KIAA1549: variants seen among roughly 807,000 people sequenced by gnomAD.
KIAA1549 encodes the protein UPF0606 protein KIAA1549.
Under a neutral mutation model 156.4 loss-of-function variants are expected in KIAA1549, and 70 were observed. That is an observed-to-expected ratio of 0.45 (90% confidence interval 0.37 to 0.55). The LOEUF is 0.55. Ranked by LOEUF, KIAA1549 falls within the 20% of genes least tolerant of loss-of-function variation. The pLI is 0.00. For synonymous variants in KIAA1549, 1,103 were observed against 1,066.4 expected (o/e 1.03, Z -0.67); for missense variants, 2,428 against 2,540.9 (o/e 0.96, Z 0.96).
chr7:138,861,336 G>A lies in KIAA1549; in HGVS notation c.5050C>T (p.Arg1684Cys), dbSNP rs748473737. The A allele has an allele frequency of 3.7e-6, 6 of 1,609,064 alleles. No homozygotes were observed. The highest frequency in any genetic ancestry group is 1.1e-5 in the South Asian group (1 of 90,418). ...TCCAGGAGGGAGTGCATGGTCTGGCGTGCCTCCTCGATGGACGGCTGGGGT... is the reference window on the plus strand; with the variant it reads ...TCCAGGAGGGAGTGCATGGTCTGGCATGCCTCCTCGATGGACGGCTGGGGT... Reference protein sequence around the residue: ...IPPQPSIEEARQTMHSLLDDA... With the variant: ...IPPQPSIEEACQTMHSLLDDA... The change falls in exon 16 of 20, where the codon CGC (arginine) becomes TGC (cysteine). Residue 1684 changes from arginine (R) to cysteine (C), a missense_variant. Transcript: ENST00000422774.
At position 138,844,321 on chromosome 7, in the gene KIAA1549, G is replaced by A. The variant is rs1810006247; in HGVS notation, c.5448C>T (p.Thr1816=). The stretch of plus-strand genomic sequence containing the variant: ...AAGCTAAACAGCCACATATACCTGT[G>A]GTACCCCCGACAGGCCGAGGCCGGG... The part of the protein sequence containing the change: ...SVARPRPVGG[T]TGSQIQHLTQ... Residue 1816 remains threonine, a synonymous_variant, in exon 18 of 20, where the codon ACC becomes ACT. Coordinates refer to ENST00000422774, the MANE Select transcript of KIAA1549 (RefSeq NM_001164665.2). 6.2e-7 allele frequency: 1 copy of A among 1,613,886 alleles called. No individual in the cohort carries two copies. The highest frequency in any genetic ancestry group is 1.3e-5 in the African/African-American group (1 of 75,050).
intron 9 of KIAA1549, among the ~76,000 whole-genome samples, chr7:138,896,642 T>C (rs1053930928): frequency 6.6e-6 from 1 of 151,706 alleles, no homozygotes; most frequent in Non-Finnish European, 1.5e-5. Flanking sequence ...TCACTCAGGC[T>C]AGAATGTGGT....
chr7:138,883,505 T>TG (rs919886893), intron 10 of KIAA1549, among the ~76,000 whole-genome samples: 1 of 151,778 alleles, frequency 6.6e-6, no homozygotes, highest in African/African-American at 2.4e-5. Context: ...TTAGTAGAGA[T>TG]GGGGTCTCAC....
chr7:138,909,445 T>C (rs1177815967), intron 4 of KIAA1549, among the ~76,000 whole-genome samples: 1 of 152,160 alleles, frequency 6.6e-6, no homozygotes, highest in Non-Finnish European at 1.5e-5. Context: ...TCTTGAATAT[T>C]TATGGGTGAA....
At chr7:138,878,028 C>T (rs547183913) in intron 12 of KIAA1549, among the ~76,000 whole-genome samples, 1 of 152,268 alleles carries the variant, frequency 6.6e-6, no homozygotes, top group Middle Eastern at 3.4e-3. Context: ...AGGATCAAAA[C>T]GAGATTCTAA....
chr7:138,932,188 C>T (rs756802778), intron 1 of KIAA1549, among the ~76,000 whole-genome samples: 21 of 152,164 alleles, frequency 1.4e-4, no homozygotes, highest in Non-Finnish European at 2.6e-4. Flanking sequence ...AGACAGCATG[C>T]TCTATGAACA....
intron 8 of KIAA1549, 108 bp downstream of exon 8, chr7:138,903,480 A>G: frequency 8.7e-7 from 1 of 1,149,336 alleles, no homozygotes; most frequent in Non-Finnish European, 1.2e-6. Context: ...TTCTCATGGC[A>G]CTTCTCATTT....
At chr7:138,938,078 C>T (rs1813070003) in intron 1 of KIAA1549, among the ~76,000 whole-genome samples, 1 of 152,100 alleles carries the variant, frequency 6.6e-6, no homozygotes, top group African/African-American at 2.4e-5. Flanking sequence ...TGGAAGGTGA[C>T]TAGGTCATGA....
chr7:138,921,583 T>C (rs1812564652), intron 1 of KIAA1549, among the ~76,000 whole-genome samples: 1 of 152,140 alleles, frequency 6.6e-6, no homozygotes, highest in Admixed American at 6.5e-5. Context: ...GATGGAAATT[T>C]GGGCCAGGCG....
intron 1 of KIAA1549, among the ~76,000 whole-genome samples, chr7:138,948,273 G>A (rs902520201): frequency 5.3e-5 from 8 of 152,240 alleles, no homozygotes; most frequent in Non-Finnish European, 7.4e-5. Context: ...GGGGGAATTC[G>A]GACACAGAGA....
rs117558939 is a variant in KIAA1549, at chr7:138,839,387, T to C, written c.5598+746A>G. Among the ~76,000 whole-genome samples, 1,382 of 152,320 alleles carry C rather than the reference T, an allele frequency of 9.1e-3. 9 individuals carry two copies. The highest frequency in any genetic ancestry group is 0.015 in the Admixed American group (228 of 15,306). On this transcript the variant is annotated intron_variant, in intron 19 of 19. Coordinates refer to ENST00000422774, the MANE Select transcript of KIAA1549 (RefSeq NM_001164665.2). ...CTTGTAGGAATTACCGATGCTCATA[T>C]TGAGTGAACAGAAGTCTCAAAAAGA...
intron 2 of KIAA1549, 119 bp from the exon 3 acceptor site, chr7:138,912,579 T>A: frequency 1.3e-6 from 1 of 791,256 alleles, no homozygotes; most frequent in Non-Finnish European, 2.1e-6. Flanking sequence ...AGTCTTTTTG[T>A]AAAATAAAGG....
chr7:138,913,992 G>C (rs1260594397), intron 2 of KIAA1549, among the ~76,000 whole-genome samples: 2 of 149,540 alleles, frequency 1.3e-5, no homozygotes, highest in Non-Finnish European at 3.0e-5. Flanking sequence ...GGGAGGGAGA[G>C]GAGGGAGAAG....
chr7:138,845,406 C>T (rs1810045878), intron 17 of KIAA1549, among the ~76,000 whole-genome samples: 1 of 152,084 alleles, frequency 6.6e-6, no homozygotes, highest in Non-Finnish European at 1.5e-5. Flanking sequence ...TTTTAATAGC[C>T]CTTTTAGATC....
intron 1 of KIAA1549, among the ~76,000 whole-genome samples, chr7:138,964,011 GTTTT>G (rs1010234898): frequency 6.6e-6 from 1 of 152,292 alleles, no homozygotes; most frequent in East Asian, 1.9e-4. Context: ...AACTTTTTGA[GTTTT>G]TTTATTGTTA....
rs1481435437 is a variant in KIAA1549 at position 138,834,451 on chromosome 7, T to C, written c.*3455A>G. The C allele has an allele frequency of 1.9e-5, 4 of 207,666 alleles. No individual in the cohort carries two copies. The highest frequency in any genetic ancestry group is 3.9e-5 in the Non-Finnish European group (4 of 101,830). 12.9% of individuals were successfully genotyped at this position (207,666 alleles called of 1,614,324 possible). A position where few individuals can be genotyped will look rare whatever the true frequency, so the allele number is the denominator to read the frequency against. ...GGCGTGAGCCACCGCGCCTGATCTC[T>C]TCGAATGAATTTTATTGACACTTAA... On this transcript the variant is annotated 3_prime_UTR_variant, in exon 20 of 20. Coordinates refer to ENST00000422774, the MANE Select transcript of KIAA1549 (RefSeq NM_001164665.2).
At chr7:138,877,995 G>GC (rs1273901459) in intron 12 of KIAA1549, among the ~76,000 whole-genome samples, 5 of 151,958 alleles carry the variant, frequency 3.3e-5, no homozygotes, top group African/African-American at 1.2e-4. Context: ...CTCTTTCCAC[G>GC]CCCCCCCAAA....
intron 2 of KIAA1549, among the ~76,000 whole-genome samples, chr7:138,913,803 G>A (rs1382562860): frequency 2.0e-5 from 3 of 151,722 alleles, no homozygotes; most frequent in Non-Finnish European, 4.4e-5. Context: ...CAAGTGGGTT[G>A]GACTATGCTA....
intron 10 of KIAA1549, among the ~76,000 whole-genome samples, chr7:138,891,148 C>G (rs1046762475): frequency 3.4e-4 from 52 of 152,238 alleles, no homozygotes; most frequent in African/African-American, 1.2e-3. Flanking sequence ...TTGCTAAAGC[C>G]CTGGAATGCA....
Sources: gnomAD v4.1 joint callset for allele counts (sites outside exome capture counted in the v4.1 genomes callset) on GRCh38, gnomAD v4.1.1 for gene constraint, MANE v1.5 for transcripts, NCBI Gene and HGNC (gene_info 2026-07-23, HGNC 2026-07-21) for gene names.